The following UVRAG variants were observed in gnomAD, a reference collection of about 807,000 sequenced individuals.
UVRAG encodes the protein UV radiation resistance associated.
In UVRAG, 19 loss-of-function variants were observed where a neutral mutation model predicts 78.0. That is an observed-to-expected ratio of 0.24 (90% confidence interval 0.17 to 0.36). The LOEUF (loss-of-function observed/expected upper bound fraction) is 0.36, where lower values mean the gene tolerates loss of function less well. Among genes scored for constraint, UVRAG ranks in the 10% least tolerant of loss-of-function variants. UVRAG has a pLI of 1.00. For missense variants in UVRAG, 740 were observed against 853.8 expected, an observed-to-expected ratio of 0.87 and a Z score of 1.66; for synonymous variants, 323 against 324.6, an observed-to-expected ratio of 1.00 and a Z score of 0.05.
intron 13 of UVRAG, among the ~76,000 whole-genome samples, chr11:76,074,215 T>G (rs1013116825): frequency 6.6e-6 from 1 of 152,118 alleles, no homozygotes; most frequent in African/African-American, 2.4e-5. Flanking sequence ...ATTTTAAGAG[T>G]ATAAAGGGAT....
intron 4 of UVRAG, among the ~76,000 whole-genome samples, chr11:75,886,088 T>C (rs1163007511): frequency 6.6e-6 from 1 of 152,090 alleles, no homozygotes; most frequent in Admixed American, 6.5e-5. Flanking sequence ...CAAGTCAGAG[T>C]TCCCTTCTCT....
At chr11:75,980,271 T>C (rs1276301224) in intron 7 of UVRAG, among the ~76,000 whole-genome samples, 2 of 152,156 alleles carry the variant, frequency 1.3e-5, no homozygotes, top group East Asian at 3.9e-4. Context: ...AAGTGATCCT[T>C]TCACCTCAGC....
chr11:75,900,323 C>G (rs191228076), intron 5 of UVRAG, among the ~76,000 whole-genome samples: 1 of 152,266 alleles, frequency 6.6e-6, no homozygotes, highest in African/African-American at 2.4e-5. Flanking sequence ...TCACCCCATC[C>G]TGTAAGTTAA....
intron 14 of UVRAG, among the ~76,000 whole-genome samples, chr11:76,120,134 A>G (rs1029250000): frequency 6.6e-6 from 1 of 152,226 alleles, no homozygotes; most frequent in Admixed American, 6.5e-5. Flanking sequence ...CGCTTTATGA[A>G]CACAGCAGCT....
intron 12 of UVRAG, among the ~76,000 whole-genome samples, chr11:76,061,128 A>G (rs991838244): frequency 5.3e-5 from 8 of 152,300 alleles, no homozygotes; most frequent in South Asian, 2.1e-4. Flanking sequence ...AAACACACCA[A>G]TCAGCACCCT....
Position 75,892,899 on chromosome 11 carries a change from G to A in UVRAG, c.507+3996G>A, listed in dbSNP as rs139773170. Among the ~76,000 whole-genome samples the A allele has an allele frequency of 9.9e-3, 1,501 of 152,222 alleles. 10 individuals carry two copies. Among genetic ancestry groups the A allele is most frequent in the African/African-American group, 0.027 (1,140 of 41,514 alleles). ...GAGAAATGTAAAAGAAATATTCCTGGCCGGGTGCTGTGACTCACGCCTGTA... is the reference window on the plus strand; with the variant it reads ...GAGAAATGTAAAAGAAATATTCCTGACCGGGTGCTGTGACTCACGCCTGTA... On this transcript the variant is annotated intron_variant, in intron 5 of 14. Transcript: ENST00000356136.
At chr11:75,906,675 T>G (rs1947622629) in intron 5 of UVRAG, among the ~76,000 whole-genome samples, 1 of 152,190 alleles carries the variant, frequency 6.6e-6, no homozygotes, top group South Asian at 2.1e-4. Context: ...GTTAAGTCTT[T>G]GATTCATTTT....
At chr11:76,058,458 G>A (rs1044163180) in intron 12 of UVRAG, among the ~76,000 whole-genome samples, 4 of 150,998 alleles carry the variant, frequency 2.6e-5, no homozygotes, top group Non-Finnish European at 5.9e-5. Flanking sequence ...CCTTGTGCCC[G>A]GGAGGTCAGA....
At chr11:76,069,494 T>C (rs909694704) in intron 13 of UVRAG, among the ~76,000 whole-genome samples, 1 of 152,184 alleles carries the variant, frequency 6.6e-6, no homozygotes, top group African/African-American at 2.4e-5. Context: ...AAAAACCAGA[T>C]CCTGCCATAA....
chr11:76,010,978 A>G (rs1198908564), intron 11 of UVRAG, among the ~76,000 whole-genome samples: 1 of 152,184 alleles, frequency 6.6e-6, no homozygotes, highest in African/African-American at 2.4e-5. Context: ...TCTGGCTGCT[A>G]AATACAGAAT....
chr11:76,122,246 C>T (rs376525079), intron 14 of UVRAG, among the ~76,000 whole-genome samples: 1 of 152,140 alleles, frequency 6.6e-6, no homozygotes, highest in East Asian at 1.9e-4. Context: ...AAGGAGATAA[C>T]ATTTCAGTGG....
intron 13 of UVRAG, among the ~76,000 whole-genome samples, chr11:76,085,675 C>T (rs909216058): frequency 6.6e-5 from 10 of 152,112 alleles, no homozygotes; most frequent in African/African-American, 2.4e-4. Context: ...TCTTTTTCAC[C>T]TTGCAGGGAC....
chr11:76,036,147 C>G (rs1172932961), intron 12 of UVRAG, among the ~76,000 whole-genome samples: 1 of 152,190 alleles, frequency 6.6e-6, no homozygotes, highest in Non-Finnish European at 1.5e-5. Context: ...TTAGTTCTCA[C>G]TCCTGCAAAA....
chr11:75,936,654 TA>T (rs1189085913), intron 6 of UVRAG, among the ~76,000 whole-genome samples: 1 of 152,258 alleles, frequency 6.6e-6, no homozygotes, highest in African/African-American at 2.4e-5. Context: ...CTTTCTGGCA[TA>T]ATATATTACA....
intron 7 of UVRAG, among the ~76,000 whole-genome samples, chr11:75,969,708 T>A (rs1028346706): frequency 2.0e-5 from 3 of 152,328 alleles, no homozygotes; most frequent in Non-Finnish European, 4.4e-5. Flanking sequence ...TCATACCATC[T>A]GTTTAGAATC....
intron 7 of UVRAG, among the ~76,000 whole-genome samples, chr11:75,966,366 G>C (rs1285354085): frequency 6.6e-6 from 1 of 152,146 alleles, no homozygotes; most frequent in Non-Finnish European, 1.5e-5. Flanking sequence ...TGCGTTTTCA[G>C]ATTTTGGTAG....
intron 6 of UVRAG, among the ~76,000 whole-genome samples, chr11:75,924,388 GT>G (rs1459297862): frequency 6.7e-6 from 1 of 150,300 alleles, no homozygotes; most frequent in Admixed American, 6.6e-5. Flanking sequence ...GTTTTTTTTT[GT>G]TTTTGTTTTT....
In UVRAG at chr11:75,909,482, T is replaced by TA. The variant is rs996039822; in HGVS notation, c.508-2460dup. Among the ~76,000 whole-genome samples the TA allele has an allele frequency of 6.7e-3, 967 of 145,380 alleles. 5 individuals carry two copies. The highest frequency in any genetic ancestry group is 0.017 in the African/African-American group (683 of 39,766). On this transcript the variant is annotated intron_variant, in intron 5 of 14. Coordinates refer to ENST00000356136, the MANE Select transcript of UVRAG (RefSeq NM_003369.4). ...CTGGGTAACAGAATCAGAACTTGTT[T>TA]AAAAAAAAAAAAGATTTGTCAATGT...
chr11:75,950,963 T>TACAC (rs35864936), intron 6 of UVRAG, among the ~76,000 whole-genome samples: 8,564 of 139,900 alleles, frequency 0.061, 307 homozygotes, highest in African/African-American at 0.11. Flanking sequence ...TTGTCAGGTG[T>TACAC]ACACACACAC....
Sources: gnomAD v4.1 joint callset for allele counts (sites outside exome capture counted in the v4.1 genomes callset) on GRCh38, gnomAD v4.1.1 for gene constraint, MANE v1.5 for transcripts, NCBI Gene and HGNC (gene_info 2026-07-23, HGNC 2026-07-21) for gene names.